The following TOGARAM2 variants were observed in gnomAD, a reference collection of about 807,000 sequenced individuals.
The protein encoded by TOGARAM2 is TOG array regulator of axonemal microtubules protein 2.
A neutral mutation model predicts 93.3 loss-of-function variants in TOGARAM2; 85 were observed. The ratio of observed to expected loss-of-function variants is 0.91; its 90% CI spans 0.76 to 1.09. TOGARAM2 has a LOEUF of 1.09. TOGARAM2 is among the 50% of genes least tolerant of loss of function. TOGARAM2 has a pLI of 0.00. For missense variants in TOGARAM2, 1,277 were observed against 1,334.5 expected, an observed-to-expected ratio of 0.96 and a Z score of 0.67; for synonymous variants, 593 against 552.8, an observed-to-expected ratio of 1.07 and a Z score of -1.02.
intron 6 of TOGARAM2, among the ~76,000 whole-genome samples, chr2:29,006,206 T>C (rs1663815488): frequency 6.7e-6 from 1 of 148,682 alleles, no homozygotes; most frequent in African/African-American, 2.5e-5. Context: ...TGTGAGTGCA[T>C]GTGTTTGTGT....
intron 16 of TOGARAM2, 67 bp downstream of exon 16, chr2:29,033,630 A>C: frequency 6.7e-7 from 1 of 1,503,072 alleles, no homozygotes; most frequent in Non-Finnish European, 9.1e-7. Context: ...CTGCTTGTCC[A>C]TGGCCAGGGG....
intron 19 of TOGARAM2, chr2:29,049,190 A>T (rs1380604784): frequency 6.6e-6 from 1 of 151,480 alleles, no homozygotes; most frequent in East Asian, 1.9e-4. Context: ...TAGTAGAGAC[A>T]GGGTTTTGCC....
rs1671725687 is a variant in TOGARAM2 at position 28,956,857 on chromosome 2, G to A, written c.-147+160G>A. 6.6e-6 allele frequency among the ~76,000 whole-genome samples: 1 copy of A among 152,200 alleles called. No individual in the cohort carries two copies. On this transcript the variant is annotated intron_variant, in intron 1 of 6. Transcript: ENST00000401723. The surrounding 1 kb of genome is among the most constrained non-coding windows in gnomAD (Gnocchi z 4.5). ...AAATAAATCCTGGCCGGGTATGGTGGCTCATGCCTGTAATCCCAACACTTT... is the reference window on the plus strand; with the variant it reads ...AAATAAATCCTGGCCGGGTATGGTGACTCATGCCTGTAATCCCAACACTTT...
upstream of TOGARAM2, among the ~76,000 whole-genome samples, chr2:28,980,533 C>T (rs551527619): frequency 4.9e-4 from 75 of 152,320 alleles, 1 homozygote; most frequent in Non-Finnish European, 1.0e-3. Flanking sequence ...CCACTGTGTG[C>T]CCCCTGGATG....
intron 18 of TOGARAM2, among the ~76,000 whole-genome samples, chr2:29,040,543 G>T (rs1666370160): frequency 6.6e-6 from 1 of 152,198 alleles, no homozygotes; most frequent in Admixed American, 6.5e-5. Context: ...ATGAGTGTGT[G>T]TTCTGAGCTA....
intron 6 of TOGARAM2, among the ~76,000 whole-genome samples, chr2:29,005,206 T>TG (rs1673630692): frequency 3.2e-5 from 2 of 61,562 alleles, no homozygotes; most frequent in South Asian, 5.0e-4. Context: ...TGTGCATGTG[T>TG]GTGGGTATGT....
intron 8 of TOGARAM2, among the ~76,000 whole-genome samples, chr2:29,016,277 T>C (rs35402318): frequency 0.21 from 31,857 of 151,676 alleles, 3,439 homozygotes; most frequent in Middle Eastern, 0.27. Flanking sequence ...CACCCCACCA[T>C]CCCCATCGCC....
chr2:28,964,912 CA>C (rs1349363520), intron 1 of TOGARAM2, among the ~76,000 whole-genome samples: 2 of 152,110 alleles, frequency 1.3e-5, no homozygotes, highest in Non-Finnish European at 2.9e-5. Context: ...GGGTTGATTC[CA>C]TGTCTTTGCT....
In TOGARAM2 at chr2:29,002,217, G is replaced by A. The variant is rs142329285; in HGVS notation, c.428-319G>A. On this transcript the variant is annotated intron_variant, in intron 4 of 19. Coordinates refer to ENST00000379558, the MANE Select transcript of TOGARAM2 (RefSeq NM_199280.4). ...GGTTCAGAGAGACAGTGCCTTGCTCGAGGTCACATAGCTTCTACCCACGGC... is the reference window on the plus strand; with the variant it reads ...GGTTCAGAGAGACAGTGCCTTGCTCAAGGTCACATAGCTTCTACCCACGGC... Among the ~76,000 whole-genome samples, 106 of 152,288 alleles carry A rather than the reference G, an allele frequency of 7.0e-4. 1 individual carries two copies. The highest frequency in any genetic ancestry group is 2.5e-3 in the South Asian group (12 of 4,828).
chr2:29,015,224 G>C (rs1168072522), intron 8 of TOGARAM2, among the ~76,000 whole-genome samples: 3 of 152,132 alleles, frequency 2.0e-5, no homozygotes, highest in Non-Finnish European at 1.5e-5. Flanking sequence ...CCCTCCCACT[G>C]TAGAGAGGAC....
intron 14 of TOGARAM2, among the ~76,000 whole-genome samples, chr2:29,028,120 C>A (rs956987141): frequency 1.3e-5 from 2 of 152,188 alleles, no homozygotes; most frequent in Non-Finnish European, 2.9e-5. Flanking sequence ...TCCTCACACT[C>A]CTCAGTTCAG....
intron 16 of TOGARAM2, 34 bp downstream of exon 16, chr2:29,033,597 C>A: frequency 6.3e-7 from 1 of 1,591,368 alleles, no homozygotes; most frequent in Non-Finnish European, 8.6e-7. Flanking sequence ...GGCTTCACAT[C>A]TAAGACTTCT....
chr2:28,966,418 C>T (rs1248322112), intron 1 of TOGARAM2, among the ~76,000 whole-genome samples: 1 of 152,100 alleles, frequency 6.6e-6, no homozygotes, highest in African/African-American at 2.4e-5. Flanking sequence ...CTGCCTCAGC[C>T]TCCTGAGTAG....
chr2:28,989,224 AT>A (rs1271138634), intron 1 of TOGARAM2, among the ~76,000 whole-genome samples: 5 of 151,378 alleles, frequency 3.3e-5, no homozygotes, highest in Non-Finnish European at 7.4e-5. Context: ...TAATTTTTGT[AT>A]TTTTTGGTAG....
rs73922955 is a variant in TOGARAM2, at chr2:29,051,580, A to C, written c.2723-176A>C. On this transcript the variant is annotated intron_variant, in intron 19 of 19. Transcript: ENST00000379558. ...GGTTGGACATATTCATATATTTTCT[A>C]CTAATGTTAAAAGAAGCTAACACAT... is the stretch of plus-strand genomic sequence containing the variant. The C allele has an allele frequency of 9.5e-6, 5 of 526,126 alleles. No homozygotes were observed. In the East Asian group the frequency reaches 1.2e-4, roughly 13 times the overall value. The allele number at this position is 526,126 out of a possible 1,614,324, so 32.6% of individuals were successfully genotyped here.
intron 11 of TOGARAM2, 47 bp downstream of exon 11, chr2:29,022,355 G>A: frequency 6.2e-7 from 1 of 1,602,678 alleles, no homozygotes. Context: ...CGGAAGCAGG[G>A]GCTGTTGCAG....
At chr2:29,051,710 G>C in intron 19 of TOGARAM2, 46 bp from the exon 20 acceptor site, 1 of 1,423,738 alleles carries the variant, frequency 7.0e-7, no homozygotes. Context: ...AAGTGGGAGA[G>C]GGAGAGAGTG....
At chr2:29,051,352 G>A (rs1434240183) in intron 19 of TOGARAM2, 6 of 159,112 alleles carry the variant, frequency 3.8e-5, no homozygotes, top group Non-Finnish European at 6.8e-5. Flanking sequence ...CAGAAAGGTC[G>A]GGTGGCTTCC....
chr2:29,003,133 T>C (rs1325475891), intron 5 of TOGARAM2, among the ~76,000 whole-genome samples: 1 of 152,128 alleles, frequency 6.6e-6, no homozygotes, highest in Non-Finnish European at 1.5e-5. Context: ...ATTTGGGCCT[T>C]GGTTTCTGTT....
Sources: gnomAD v4.1 joint callset for allele counts (sites outside exome capture counted in the v4.1 genomes callset) on GRCh38, gnomAD v4.1.1 for gene constraint, Gnocchi (gnomAD v3.1) non-coding constraint, MANE v1.5 for transcripts, NCBI Gene and HGNC (gene_info 2026-07-23, HGNC 2026-07-21) for gene names.